The following FBXO30 variants were observed in gnomAD, a reference collection of about 807,000 sequenced individuals.
The protein encoded by FBXO30 is F-box only protein 30.
In FBXO30, 21 loss-of-function variants were observed where a neutral mutation model predicts 58.1. The observed-to-expected ratio is 0.36, with a 90% CI of 0.26 to 0.52. The LOEUF is 0.52. FBXO30 is among the 20% of genes least tolerant of loss of function. FBXO30 has a pLI of 0.93. For synonymous variants in FBXO30, 309 were observed against 312.4 expected, an observed-to-expected ratio of 0.99 and a Z score of 0.11; for missense variants, 744 against 897.3, an observed-to-expected ratio of 0.83 and a Z score of 2.18.
At position 145,797,590 on chromosome 6, in the gene FBXO30, T is replaced by A. The variant is rs1777889196; in HGVS notation, c.*2516A>T. 1 of 152,030 alleles carries A rather than the reference T, an allele frequency of 6.6e-6. No individual in the cohort carries two copies. Among genetic ancestry groups the A allele is most frequent in the South Asian group, 2.1e-4 (1 of 4,820 alleles). The allele number at this position is 152,030 out of a possible 1,614,324, so 9.4% of individuals were successfully genotyped here. On this transcript the variant is annotated 3_prime_UTR_variant, in exon 3 of 3. Transcript: ENST00000237281. The stretch of plus-strand genomic sequence containing the variant: ...TCTGCATTTCTAACAAATTCCTAGG[T>A]GTTGATGTTCCTGCTGGTCCAAGGA...
intron 1 of FBXO30, among the ~76,000 whole-genome samples, chr6:145,806,660 A>G (rs1000176436): frequency 1.3e-5 from 2 of 152,196 alleles, no homozygotes; most frequent in African/African-American, 2.4e-5. Flanking sequence ...TCATTTTTAT[A>G]TACTATATAA....
Position 145,800,050 on chromosome 6 carries a change from A to G in FBXO30, c.*56T>C. The G allele has an allele frequency of 7.6e-7, 1 of 1,311,650 alleles. No homozygotes were observed. The highest frequency in any genetic ancestry group is 1.1e-6 in the Non-Finnish European group (1 of 921,474). 81.3% of individuals were successfully genotyped at this position (1,311,650 alleles called of 1,614,324 possible). A position where few individuals can be genotyped will look rare whatever the true frequency, so the allele number is the denominator to read the frequency against. ...TTAATACATTAATAAAGTTTCACAT[A>G]TTACAAAGAAATTATACTAGGTGCT... is the stretch of plus-strand genomic sequence containing the variant. On this transcript the variant is annotated 3_prime_UTR_variant, in exon 3 of 3. Coordinates refer to ENST00000237281, the MANE Select transcript of FBXO30 (RefSeq NM_032145.5).
At chr6:145,810,110 A>G (rs896829496) in intron 1 of FBXO30, among the ~76,000 whole-genome samples, 3 of 152,230 alleles carry the variant, frequency 2.0e-5, no homozygotes, top group Admixed American at 2.0e-4. Flanking sequence ...AATTATTTGA[A>G]GAATAATTTA....
At chr6:145,808,070 T>A (rs994625323) in intron 1 of FBXO30, among the ~76,000 whole-genome samples, 2 of 152,144 alleles carry the variant, frequency 1.3e-5, no homozygotes, top group Non-Finnish European at 1.5e-5. Context: ...AGATTGAGGC[T>A]GCAGTAAGCC....
Position 145,800,152 on chromosome 6 carries a change from G to A in FBXO30, c.2192C>T (p.Thr731Ile), listed in dbSNP as rs760969056. 4.3e-6 allele frequency: 7 copies of A among 1,612,938 alleles called. No individual in the cohort carries two copies. The highest frequency in any genetic ancestry group is 5.9e-6 in the Non-Finnish European group (7 of 1,179,244). The change falls in exon 3 of 3, where the codon ACT (threonine) becomes ATT (isoleucine). Residue 731 changes from threonine (T) to isoleucine (I), a missense_variant. Coordinates refer to ENST00000237281, the MANE Select transcript of FBXO30 (RefSeq NM_032145.5). ...LPCMCVTREL[T>I]KEGRSLRSVL... ...TGAGCGTAGTGAACGTCCTTCTTTA[G>A]TGAGTTCTCGTGTCACACACATACA...
At chr6:145,808,534 T>A (rs967153761) in intron 1 of FBXO30, among the ~76,000 whole-genome samples, 2 of 152,192 alleles carry the variant, frequency 1.3e-5, no homozygotes, top group Non-Finnish European at 2.9e-5. Flanking sequence ...GCTTGTGTCA[T>A]TTTTTGCTTA....
Position 145,806,437 on chromosome 6 carries a change from G to GA in FBXO30, c.-16-17dup. 1 of 1,579,422 alleles carries GA rather than the reference G, an allele frequency of 6.3e-7. No individual in the cohort carries two copies. The highest frequency in any genetic ancestry group is 8.6e-7 in the Non-Finnish European group (1 of 1,166,426). On this transcript the variant is annotated splice_polypyrimidine_tract_variant and intron_variant, in intron 1 of 2. Transcript: ENST00000237281. Reference sequence around the variant, plus strand: ...CAGTCCAGCTCTGGTTGATGAAATGGAAAAAGATAAGAAATTAGCCAAAAA... The same window carrying GA: ...CAGTCCAGCTCTGGTTGATGAAATGGAAAAAAGATAAGAAATTAGCCAAAAA...
intron 2 of FBXO30, among the ~76,000 whole-genome samples, chr6:145,802,651 GAC>G (rs1316998619): frequency 6.6e-6 from 1 of 152,134 alleles, no homozygotes; most frequent in Non-Finnish European, 1.5e-5. Context: ...GCACTGTGGT[GAC>G]AGTGTAAGAA....
Position 145,812,143 on chromosome 6 carries a change from A to G in FBXO30, c.-17+2460T>C, listed in dbSNP as rs561798614. Among the ~76,000 whole-genome samples, 233 of 152,220 alleles carry G rather than the reference A, an allele frequency of 1.5e-3. 1 individual carries two copies. The highest frequency in any genetic ancestry group is 5.3e-3 in the African/African-American group (222 of 41,554). On this transcript the variant is annotated intron_variant, in intron 1 of 2. Transcript: ENST00000237281. The stretch of plus-strand genomic sequence containing the variant: ...TACAATGTGTACATTCTTTTATTAA[A>G]CTTTCGTTCTTTTTATTTATAAAAT...
At position 145,804,711 on chromosome 6, in the gene FBXO30, A is replaced by G; in HGVS notation, c.1695T>C (p.Ser565=). ...CPLAYYGCTY[S]QRRFCPSIQG... ...GTATTGATGGACAAAATCTACGCTG[A>G]GAATAGGTACAACCATAGTAAGCTA... The change falls in exon 2 of 3, where the codon TCT becomes TCC. Residue 565 remains serine, a synonymous_variant. Coordinates refer to ENST00000237281, the MANE Select transcript of FBXO30 (RefSeq NM_032145.5). 1 of 1,613,970 alleles carries G rather than the reference A, an allele frequency of 6.2e-7. No homozygotes were observed. Among genetic ancestry groups the G allele is most frequent in the Non-Finnish European group, 8.5e-7 (1 of 1,179,904 alleles).
Position 145,793,910 on chromosome 6 carries a change from A to T in FBXO30, c.*6196T>A, listed in dbSNP as rs546251294. 2.0e-5 allele frequency: 3 copies of T among 152,212 alleles called. No homozygotes were observed. The South Asian group carries it at 6.2e-4, about 31-fold the overall frequency. The allele number at this position is 152,212 out of a possible 1,614,324, so 9.4% of individuals were successfully genotyped here. A position where few individuals can be genotyped will look rare whatever the true frequency, so the allele number is the denominator to read the frequency against. ...AAACCACGGTTTGGGCATTTCACAA[A>T]CGTTGAGAACACTAGTTTTTGGCTT... On this transcript the variant is annotated 3_prime_UTR_variant, in exon 3 of 3. Transcript: ENST00000237281.
At chr6:145,803,349 C>T (rs1284062350) in intron 2 of FBXO30, among the ~76,000 whole-genome samples, 2 of 151,990 alleles carry the variant, frequency 1.3e-5, no homozygotes, top group Non-Finnish European at 2.9e-5. Context: ...AAAAAAAAAT[C>T]GTGAAACAAT....
chr6:145,812,098 T>A (rs934287327), intron 1 of FBXO30, among the ~76,000 whole-genome samples: 2 of 152,192 alleles, frequency 1.3e-5, no homozygotes, highest in Non-Finnish European at 2.9e-5. Context: ...TAGCTTCCAG[T>A]CCCAAATGGC....
intron 2 of FBXO30, 61 bp downstream of exon 2, chr6:145,804,311 T>A (rs896282784): frequency 3.2e-5 from 44 of 1,359,398 alleles, no homozygotes; most frequent in Non-Finnish European, 4.4e-5. Flanking sequence ...ATTGTATTAA[T>A]TCAGCAGTAT....
intron 2 of FBXO30, among the ~76,000 whole-genome samples, chr6:145,802,573 C>T (rs1778036100): frequency 6.6e-6 from 1 of 152,058 alleles, no homozygotes; most frequent in South Asian, 2.1e-4. Flanking sequence ...TATGAAAAGT[C>T]TCAAATGTTT....
In FBXO30 at chr6:145,802,904, C is replaced by T. The variant is rs142728636; in HGVS notation, c.2034+1468G>A. On this transcript the variant is annotated intron_variant, in intron 2 of 2. Coordinates refer to ENST00000237281, the MANE Select transcript of FBXO30 (RefSeq NM_032145.5). ...GGGAGAAAAAGCAGCCAACATAACTCCTAAATTCCTGGTTTAGGAAACTTG... is the reference window on the plus strand; with the variant it reads ...GGGAGAAAAAGCAGCCAACATAACTTCTAAATTCCTGGTTTAGGAAACTTG... Among the ~76,000 whole-genome samples, 533 of 152,154 alleles carry T rather than the reference C, an allele frequency of 3.5e-3. 2 individuals carry two copies. Among genetic ancestry groups the T allele is most frequent in the Middle Eastern group, 6.8e-3 (2 of 294 alleles).
At chr6:145,806,445 T>A (rs1242214534) in intron 1 of FBXO30, 24 bp from the exon 2 acceptor site, 1 of 1,571,948 alleles carries the variant, frequency 6.4e-7, no homozygotes, top group Non-Finnish European at 8.6e-7. Context: ...TGGAAAAAGA[T>A]AAGAAATTAG....
rs1490656407 is a variant in FBXO30, at chr6:145,798,702, ACT to A, written c.*1402_*1403del. On this transcript the variant is annotated 3_prime_UTR_variant, in exon 3 of 3. Transcript: ENST00000237281. ...ACCAAAACAAATCTTAAGCTTCAGA[ACT>A]CTCTAATGCTTAAGGAACGCCTCTG... 6.6e-6 allele frequency: 1 copy of A among 152,234 alleles called. No individual in the cohort carries two copies. Among genetic ancestry groups the A allele is most frequent in the Non-Finnish European group, 1.5e-5 (1 of 67,948 alleles). 9.4% of individuals were successfully genotyped at this position (152,234 alleles called of 1,614,324 possible).
rs1282641238 is a variant in FBXO30, at chr6:145,804,530, C to T, written c.1876G>A (p.Gly626Ser). ...CATAAGCTGAAGCCATCGAGAAAGC[C>T]TGCAATATGCTGCAGGACCTCAAAA... is the stretch of plus-strand genomic sequence containing the variant. The part of the protein sequence containing the change: ...LPFEVLQHIA[G>S]FLDGFSLCQL... The change falls in exon 2 of 3, where the codon GGC becomes AGC. Residue 626 changes from glycine (G) to serine (S), a missense_variant. Around this residue, in one of 3 missense-constraint regions of FBXO30, gnomAD observed 334 missense variants for 433.7 expected, o/e 0.77. Transcript: ENST00000237281. 8 of 1,613,616 alleles carry T rather than the reference C, an allele frequency of 5.0e-6. No individual in the cohort carries two copies. The highest frequency in any genetic ancestry group is 6.8e-6 in the Non-Finnish European group (8 of 1,179,824).
Sources: allele counts gnomAD v4.1 joint callset (sites outside exome capture counted in the v4.1 genomes callset), GRCh38; gene constraint gnomAD v4.1.1; regional missense constraint gnomAD v4.1.1; transcripts MANE v1.5; gene names NCBI Gene and HGNC (gene_info 2026-07-23, HGNC 2026-07-21).